The following SLC35B4 variants were observed in gnomAD, a reference collection of about 807,000 sequenced individuals.
SLC35B4 encodes nucleotide sugar transporter SLC35B4.
Under a neutral mutation model 39.5 loss-of-function variants are expected in SLC35B4, and 28 were observed. That is an observed-to-expected ratio of 0.71 (90% CI 0.53 to 0.97). SLC35B4 has a LOEUF of 0.97. Among genes scored for constraint, SLC35B4 ranks in the 50% least tolerant of loss-of-function variants. The pLI, the probability that SLC35B4 is intolerant of heterozygous loss-of-function variation, is 0.00. For missense variants in SLC35B4, 334 were observed against 414.3 expected (o/e 0.81, Z 1.68); for synonymous variants, 145 against 150.4 (o/e 0.96, Z 0.26).
rs1803586732 is a variant in SLC35B4 at position 134,301,782 on chromosome 7, C to G, written c.466G>C (p.Ala156Pro). 1.2e-6 allele frequency: 2 copies of G among 1,613,856 alleles called. No homozygotes were observed. The highest frequency in any genetic ancestry group is 3.3e-5 in the Admixed American group (2 of 59,996). Residue 156 changes from alanine (A) to proline (P), a missense_variant, in exon 6 of 10, where the codon GCA (alanine) becomes CCA (proline). Ala to Pro is a conservative substitution (Grantham distance 27, BLOSUM62 -1). Coordinates refer to ENST00000378509, the MANE Select transcript of SLC35B4 (RefSeq NM_032826.5). Reference sequence around the variant, plus strand: ...TTGCCTAGTAACCACCACACAAATGCCTGGAATCCATCATTCTCACTCAAG... The same window carrying G: ...TTGCCTAGTAACCACCACACAAATGGCTGGAATCCATCATTCTCACTCAAG... ...SSLSENDGFQ[A>P]FVWWLLGIGA...
At chr7:134,317,097 T>G (rs1040082570), upstream of SLC35B4, 8 of 248,916 alleles carry the variant, frequency 3.2e-5, no homozygotes, top group Non-Finnish European at 4.6e-5. Context: ...GTGCCCGGCA[T>G]GACTCGCGCG....
chr7:134,298,483 A>G (rs1803514804), intron 8 of SLC35B4, among the ~76,000 whole-genome samples: 1 of 152,250 alleles, frequency 6.6e-6, no homozygotes, highest in Admixed American at 6.5e-5. Flanking sequence ...ACATTTTATC[A>G]TAAATACCTA....
Position 134,294,507 on chromosome 7 carries a change from C to A in SLC35B4, c.*326G>T. On this transcript the variant is annotated 3_prime_UTR_variant, in exon 10 of 10. Coordinates refer to ENST00000378509, the MANE Select transcript of SLC35B4 (RefSeq NM_032826.5). ...GAGAAGGGACAATCTTTTCCAAGACCATGGATAGTAAGCCTTTTGTTCAGG... is the reference window on the plus strand; with the variant it reads ...GAGAAGGGACAATCTTTTCCAAGACAATGGATAGTAAGCCTTTTGTTCAGG... 4.2e-6 allele frequency: 1 copy of A among 239,744 alleles called. No homozygotes were observed. Among genetic ancestry groups the A allele is most frequent in the Non-Finnish European group, 8.3e-6 (1 of 119,916 alleles). 14.9% of individuals were successfully genotyped at this position (239,744 alleles called of 1,614,324 possible).
In SLC35B4 at chr7:134,289,370, T is replaced by C. The variant is rs776016798; in HGVS notation, c.*5463A>G. The C allele has an allele frequency of 2.0e-5, 3 of 152,680 alleles. No individual in the cohort carries two copies. The highest frequency in any genetic ancestry group is 2.4e-5 in the African/African-American group (1 of 41,466). 9.5% of individuals were successfully genotyped at this position (152,680 alleles called of 1,614,324 possible). On this transcript the variant is annotated 3_prime_UTR_variant, in exon 10 of 10. Transcript: ENST00000378509. ...AACATTTTATTCACAAAATCTCCCA[T>C]TCCTCCTTAACTCTCTGCTCAAATA...
chr7:134,312,816 G>A (rs982591432), intron 1 of SLC35B4, among the ~76,000 whole-genome samples: 1 of 152,076 alleles, frequency 6.6e-6, no homozygotes, highest in Non-Finnish European at 1.5e-5. Context: ...AGCGGTCAAC[G>A]GCAAATAAAT....
At chr7:134,307,195 G>C (rs1212442241) in intron 2 of SLC35B4, among the ~76,000 whole-genome samples, 1 of 152,126 alleles carries the variant, frequency 6.6e-6, no homozygotes, top group African/African-American at 2.4e-5. Flanking sequence ...TTTCAGCCTA[G>C]CAGCTGCTAA....
chr7:134,317,040 T>C, upstream of SLC35B4: 1 of 377,712 alleles, frequency 2.6e-6, no homozygotes, highest in Non-Finnish European at 4.8e-6. Flanking sequence ...GGATGCGACG[T>C]TCCCGCTTCC....
upstream of SLC35B4, among the ~76,000 whole-genome samples, chr7:134,318,760 C>CGT (rs1804050481): frequency 6.6e-6 from 1 of 152,124 alleles, no homozygotes; most frequent in African/African-American, 2.4e-5. Context: ...GATAAAAACC[C>CGT]AAGCATGTCT....
At chr7:134,299,669 T>G in intron 7 of SLC35B4, 71 bp from the exon 8 acceptor site, 1 of 1,346,300 alleles carries the variant, frequency 7.4e-7, no homozygotes, top group Non-Finnish European at 1.1e-6. Context: ...AGCTTTACAA[T>G]GATTAAAAGT....
chr7:134,304,942 G>GA, intron 3 of SLC35B4, 88 bp from the exon 4 acceptor site: 3 of 958,686 alleles, frequency 3.1e-6, no homozygotes, highest in South Asian at 2.8e-5. Flanking sequence ...TGGGCAAGGG[G>GA]AAAAAACATG....
rs527741392 is a variant in SLC35B4, at chr7:134,292,523, G to C, written c.*2310C>G. On this transcript the variant is annotated 3_prime_UTR_variant, in exon 10 of 10. Coordinates refer to ENST00000378509, the MANE Select transcript of SLC35B4 (RefSeq NM_032826.5). Reference sequence around the variant, plus strand: ...CGAAAACCTAATGGGCCCAAGTACTGTCTGTGAACATCAACACATACCCAA... The same window carrying C: ...CGAAAACCTAATGGGCCCAAGTACTCTCTGTGAACATCAACACATACCCAA... The C allele has an allele frequency of 3.3e-5, 5 of 152,216 alleles. No individual in the cohort carries two copies. In the South Asian group the frequency reaches 1.0e-3, roughly 32 times the overall value. 9.4% of individuals were successfully genotyped at this position (152,216 alleles called of 1,614,324 possible).
rs771724395 is a variant in SLC35B4, at chr7:134,302,051, G to A, written c.404C>T (p.Thr135Ile). The A allele has an allele frequency of 6.2e-7, 1 of 1,613,934 alleles. No individual in the cohort carries two copies. The highest frequency in any genetic ancestry group is 8.5e-7 in the Non-Finnish European group (1 of 1,179,964). The part of the protein sequence containing the change: ...ALVSVGIFIC[T>I]FMSAKQVTSQ... ...TACCACCTGCTTTGCTGACATAAAA[G>A]TGCAAATAAATATCCCCACAGACAC... Residue 135 changes from threonine to isoleucine, a missense_variant, in exon 5 of 10, where the codon ACT becomes ATT. By Grantham distance (89) the Thr-to-Ile change is moderately conservative. Coordinates refer to ENST00000378509, the MANE Select transcript of SLC35B4 (RefSeq NM_032826.5).
rs1402161496 is a variant in SLC35B4 at position 134,295,985 on chromosome 7, A to G, written c.749+406T>C. On this transcript the variant is annotated intron_variant, in intron 9 of 9. Coordinates refer to ENST00000378509, the MANE Select transcript of SLC35B4 (RefSeq NM_032826.5). ...GCTGGGATTATAGGCACCCATCATCATGCCTGGCTTACTTTTGTATTTTTG... is the reference window on the plus strand; with the variant it reads ...GCTGGGATTATAGGCACCCATCATCGTGCCTGGCTTACTTTTGTATTTTTG... Among the ~76,000 whole-genome samples, 3 of 152,140 alleles carry G rather than the reference A, an allele frequency of 2.0e-5. No homozygotes were observed. The East Asian group carries it at 5.8e-4, about 29-fold the overall frequency.
chr7:134,304,284 G>T (rs1467985543), intron 4 of SLC35B4, among the ~76,000 whole-genome samples: 1 of 151,998 alleles, frequency 6.6e-6, no homozygotes, highest in Non-Finnish European at 1.5e-5. Flanking sequence ...CCAGCTACTT[G>T]GGAGGCTGAG....
At position 134,316,784 on chromosome 7, in the gene SLC35B4, G is replaced by A; in HGVS notation, c.-33C>T. On this transcript the variant is annotated 5_prime_UTR_variant, in exon 1 of 10. Transcript: ENST00000378509. Reference sequence around the variant, plus strand: ...GCAGGGTTGGGGAAGCAAGCGCACAGAGTAAGCGCCCGCCTGTACCGCTAC... The same window carrying A: ...GCAGGGTTGGGGAAGCAAGCGCACAAAGTAAGCGCCCGCCTGTACCGCTAC... 6.5e-7 allele frequency: 1 copy of A among 1,527,038 alleles called. No homozygotes were observed. Among genetic ancestry groups the A allele is most frequent in the Non-Finnish European group, 8.8e-7 (1 of 1,138,450 alleles). The allele number at this position is 1,527,038 out of a possible 1,614,324, so 94.6% of individuals were successfully genotyped here. A position where few individuals can be genotyped will look rare whatever the true frequency, so the allele number is the denominator to read the frequency against.
chr7:134,316,353 G>A (rs1281409042), intron 1 of SLC35B4, among the ~76,000 whole-genome samples: 1 of 152,232 alleles, frequency 6.6e-6, no homozygotes, highest in Non-Finnish European at 1.5e-5. Context: ...GACTGGTCAT[G>A]TGAAAAACTC....
chr7:134,319,133 A>G (rs1218667029), upstream of SLC35B4, among the ~76,000 whole-genome samples: 2 of 152,196 alleles, frequency 1.3e-5, no homozygotes, highest in Non-Finnish European at 2.9e-5. Flanking sequence ...TCATGCTCAA[A>G]GAAACTAACT....
At chr7:134,307,096 T>A (rs189475600) in intron 2 of SLC35B4, among the ~76,000 whole-genome samples, 3 of 152,346 alleles carry the variant, frequency 2.0e-5, no homozygotes, top group Admixed American at 6.5e-5. Flanking sequence ...TGAAAATGGC[T>A]GATTTTCTCA....
intron 2 of SLC35B4, 64 bp downstream of exon 2, chr7:134,309,302 C>T (rs2117311582): frequency 1.2e-6 from 1 of 831,132 alleles, no homozygotes; most frequent in Non-Finnish European, 1.8e-6. Context: ...TCCTTTTATA[C>T]AGGTACCACC....
Sources: allele counts gnomAD v4.1 joint callset (sites outside exome capture counted in the v4.1 genomes callset), GRCh38; gene constraint gnomAD v4.1.1; transcripts MANE v1.5; gene names NCBI Gene and HGNC (gene_info 2026-07-23, HGNC 2026-07-21).